The following STARD3NL variants were observed in gnomAD, a reference collection of about 807,000 sequenced individuals.
STARD3NL encodes the protein STARD3 N-terminal like.
STARD3NL carries 17 observed loss-of-function variants against 30.9 expected under a neutral mutation model. The observed-to-expected ratio is 0.55, with a 90% CI of 0.38 to 0.82. The LOEUF is 0.82. Ranked by LOEUF, STARD3NL falls within the 40% of genes least tolerant of loss-of-function variation. The probability of loss-of-function intolerance (pLI) is 0.00; values close to 1 mark genes in which losing one functional copy is unlikely to be tolerated. For synonymous variants in STARD3NL, 112 were observed against 100.5 expected (o/e 1.11, Z -0.69); for missense variants, 234 against 277.6 (o/e 0.84, Z 1.12).
chr7:38,221,364 A>G (rs1786452171), intron 7 of STARD3NL, among the ~76,000 whole-genome samples: 1 of 152,108 alleles, frequency 6.6e-6, no homozygotes, highest in African/African-American at 2.4e-5. Flanking sequence ...CTCCTCCATT[A>G]CATCCATTTT....
chr7:38,184,000 A>G (rs1377589602), intron 1 of STARD3NL, among the ~76,000 whole-genome samples: 4 of 152,218 alleles, frequency 2.6e-5, no homozygotes, highest in African/African-American at 7.2e-5. Flanking sequence ...TTGAATACCT[A>G]ACACATGCCA....
chr7:38,221,149 C>T (rs1341393460), intron 7 of STARD3NL, among the ~76,000 whole-genome samples: 2 of 152,120 alleles, frequency 1.3e-5, no homozygotes, highest in African/African-American at 4.8e-5. Context: ...ACTGAATGCA[C>T]TGGATGGCAT....
Position 38,217,316 on chromosome 7 carries a change from C to G in STARD3NL, c.553+11C>G, listed in dbSNP as rs775528862. On this transcript the variant is annotated intron_variant, in intron 6 of 8. Transcript: ENST00000009041. The stretch of plus-strand genomic sequence containing the variant: ...CAGAAGAAGAAAACAGTAAGTTCCT[C>G]TCAAAGTCAGCCTCCTGAGGCGGAC... 1.2e-6 allele frequency: 2 copies of G among 1,612,864 alleles called. No homozygotes were observed. The highest frequency in any genetic ancestry group is 1.3e-5 in the African/African-American group (1 of 74,866).
At chr7:38,197,900 C>T (rs112402827) in intron 1 of STARD3NL, among the ~76,000 whole-genome samples, 23 of 152,300 alleles carry the variant, frequency 1.5e-4, no homozygotes, top group African/African-American at 4.3e-4. Context: ...TGCTTCACCT[C>T]GGAAGGTGAG....
chr7:38,214,290 A>T, intron 2 of STARD3NL, 67 bp from the exon 3 acceptor site: 11 of 1,045,208 alleles, frequency 1.1e-5, no homozygotes, highest in Non-Finnish European at 1.6e-5. Context: ...TTGGATAGGA[A>T]ATCTTACCTT....
At chr7:38,180,679 C>G (rs542059075) in intron 1 of STARD3NL, among the ~76,000 whole-genome samples, 1 of 152,202 alleles carries the variant, frequency 6.6e-6, no homozygotes, top group Non-Finnish European at 1.5e-5. Context: ...AGGTTTACTT[C>G]AAAGCCTAAT....
intron 1 of STARD3NL, among the ~76,000 whole-genome samples, chr7:38,204,905 C>G (rs1410769944): frequency 1.3e-5 from 2 of 151,798 alleles, no homozygotes; most frequent in Admixed American, 6.6e-5. Flanking sequence ...ATAAATTCCT[C>G]GACACATACA....
intron 7 of STARD3NL, among the ~76,000 whole-genome samples, chr7:38,227,500 G>A (rs1364142618): frequency 1.3e-5 from 2 of 152,042 alleles, no homozygotes; most frequent in African/African-American, 2.4e-5. Flanking sequence ...TAACAAATTT[G>A]TTCTTGGCTA....
chr7:38,226,258 G>C (rs1048023481), intron 7 of STARD3NL, among the ~76,000 whole-genome samples: 1 of 89,880 alleles, frequency 1.1e-5, no homozygotes, highest in African/African-American at 4.4e-5. Flanking sequence ...TCTTTGTTTA[G>C]TAAAGAGCTA....
intron 1 of STARD3NL, among the ~76,000 whole-genome samples, chr7:38,201,326 T>C (rs1785165919): frequency 6.6e-6 from 1 of 152,230 alleles, no homozygotes; most frequent in Non-Finnish European, 1.5e-5. Context: ...TCCCAAGCCA[T>C]GTATTTCCAT....
intron 2 of STARD3NL, 128 bp from the exon 3 acceptor site, chr7:38,214,229 C>A (rs1785972394): frequency 1.7e-6 from 1 of 597,084 alleles, no homozygotes; most frequent in Middle Eastern, 2.7e-4. Context: ...TATGAGAGTT[C>A]TTTTCTTCGC....
chr7:38,226,717 C>T (rs1478542698), intron 7 of STARD3NL, among the ~76,000 whole-genome samples: 1 of 152,202 alleles, frequency 6.6e-6, no homozygotes, highest in Non-Finnish European at 1.5e-5. Flanking sequence ...ACAACTCAGC[C>T]TCCCAGAGTA....
At chr7:38,181,205 G>A (rs957460911) in intron 1 of STARD3NL, among the ~76,000 whole-genome samples, 1 of 152,102 alleles carries the variant, frequency 6.6e-6, no homozygotes, top group Non-Finnish European at 1.5e-5. Context: ...TTTTAGAAAT[G>A]TTTGAAAAGG....
Position 38,207,508 on chromosome 7 carries a change from A to C in STARD3NL, c.4A>C (p.Asn2His), listed in dbSNP as rs1785551594. The C allele has an allele frequency of 6.2e-7, 1 of 1,613,716 alleles. No individual in the cohort carries two copies. Among genetic ancestry groups the C allele is most frequent in the African/African-American group, 1.3e-5 (1 of 74,894 alleles). ...GCTCCTGTAACCCTCCTCCAGGATGAACCACCTGCCAGAAGACATGGAGAA... is the reference window on the plus strand; with the variant it reads ...GCTCCTGTAACCCTCCTCCAGGATGCACCACCTGCCAGAAGACATGGAGAA... M[N>H]HLPEDMENAL... is the part of the protein sequence containing the mutation. Residue 2 changes from asparagine to histidine, a missense_variant, in exon 2 of 9, where the codon AAC becomes CAC. Transcript: ENST00000009041.
intron 1 of STARD3NL, among the ~76,000 whole-genome samples, chr7:38,188,349 A>C (rs1784547637): frequency 6.6e-6 from 1 of 152,158 alleles, no homozygotes; most frequent in Non-Finnish European, 1.5e-5. Context: ...CTCTATCTGC[A>C]GTACCCTTCC....
At chr7:38,207,420 A>C (rs185491625) in intron 1 of STARD3NL, 27 bp from the exon 2 acceptor site, 36 of 1,110,950 alleles carry the variant, frequency 3.2e-5, no homozygotes, top group East Asian at 2.8e-4. Context: ...TGGATTTAAC[A>C]TGGTGTCTCT....
chr7:38,205,036 C>T (rs1270587078), intron 1 of STARD3NL, among the ~76,000 whole-genome samples: 1 of 152,202 alleles, frequency 6.6e-6, no homozygotes, highest in Non-Finnish European at 1.5e-5. Context: ...GACGGATTCA[C>T]AGCCGAATTG....
At chr7:38,215,279 C>A in intron 4 of STARD3NL, 174 bp downstream of exon 4, 1 of 580,690 alleles carries the variant, frequency 1.7e-6, no homozygotes, top group Non-Finnish European at 3.0e-6. Context: ...GGGCTTCTTT[C>A]CAATGTTAAT....
intron 1 of STARD3NL, among the ~76,000 whole-genome samples, chr7:38,200,215 C>A (rs1785111848): frequency 6.6e-6 from 1 of 152,080 alleles, no homozygotes; most frequent in African/African-American, 2.4e-5. Flanking sequence ...AGATGTAGTC[C>A]TCCCCACTGT....
Sources: gnomAD v4.1 joint callset for allele counts (sites outside exome capture counted in the v4.1 genomes callset) on GRCh38, gnomAD v4.1.1 for gene constraint, MANE v1.5 for transcripts, NCBI Gene and HGNC (gene_info 2026-07-23, HGNC 2026-07-21) for gene names.